TENM2: variants seen among roughly 807,000 people sequenced by gnomAD.
TENM2 encodes the protein teneurin-2.
Under a neutral mutation model 245.2 loss-of-function variants are expected in TENM2, and 52 were observed. That is an observed-to-expected ratio of 0.21 (90% CI 0.17 to 0.27). The LOEUF (loss-of-function observed/expected upper bound fraction) is 0.27, where lower values mean the gene tolerates loss of function less well. Ranked by LOEUF, TENM2 falls within the 10% of genes least tolerant of loss-of-function variation. The pLI is 1.00. For synonymous variants in TENM2, 1,363 were observed against 1,438.9 expected (o/e 0.95, Z 1.19); for missense variants, 3,046 against 3,666.8 (o/e 0.83, Z 4.37).
At chr5:167,935,596 A>G (rs1477791342) in intron 3 of TENM2, among the ~76,000 whole-genome samples, 1 of 152,158 alleles carries the variant, frequency 6.6e-6, no homozygotes, top group Non-Finnish European at 1.5e-5. Flanking sequence ...GGGTGGGAAA[A>G]TAGCATCTGT....
the TENM2 span, among the ~76,000 whole-genome samples, chr5:167,230,005 G>T: frequency 1.3e-5 from 2 of 152,146 alleles, no homozygotes; most frequent in African/African-American, 4.8e-5. Flanking sequence ...ATGTGTAGCA[G>T]CCTCTGTTTG....
intron 2 of TENM2, among the ~76,000 whole-genome samples, chr5:167,705,982 TA>T (rs60382736): frequency 0.015 from 1,469 of 99,522 alleles, 12 homozygotes; most frequent in Non-Finnish European, 0.017. Flanking sequence ...TATATATATA[TA>T]TATATATATT....
At chr5:168,144,501 G>A (rs1293193469) in intron 12 of TENM2, among the ~76,000 whole-genome samples, 1 of 151,890 alleles carries the variant, frequency 6.6e-6, no homozygotes, top group African/African-American at 2.4e-5. Context: ...CCCTACAAAG[G>A]ACATGAACTC....
intron 2 of TENM2, among the ~76,000 whole-genome samples, chr5:167,868,035 A>G (rs1772478076): frequency 6.6e-6 from 1 of 152,222 alleles, no homozygotes; most frequent in African/African-American, 2.4e-5. Flanking sequence ...AAAAAGAGCA[A>G]CTTAAAAATT....
the TENM2 span, among the ~76,000 whole-genome samples, chr5:167,104,852 A>C: frequency 6.6e-6 from 1 of 152,222 alleles, no homozygotes; most frequent in Non-Finnish European, 1.5e-5. Context: ...TGTGGTTTTC[A>C]TCAAAAGCAG....
downstream of TENM2, chr5:168,263,685 T>C (rs1181611518): frequency 6.6e-6 from 1 of 152,628 alleles, no homozygotes; most frequent in Non-Finnish European, 1.5e-5. Flanking sequence ...GAGATTCCAT[T>C]GTGGACAGTA....
intron 1 of TENM2, among the ~76,000 whole-genome samples, chr5:167,331,196 A>C (rs1757436900): frequency 6.9e-6 from 1 of 144,466 alleles, no homozygotes; most frequent in Non-Finnish European, 1.5e-5. Context: ...AGATCATGCT[A>C]CTGCACTCCA....
chr5:167,375,450 A>C (rs573583486), exon 2 of TENM2: 1 of 1,551,740 alleles, frequency 6.4e-7, no homozygotes, highest in South Asian at 1.2e-5. Flanking sequence ...TCTGACAACG[A>C]AAACAAATCA....
chr5:166,996,337 C>T, the TENM2 span, among the ~76,000 whole-genome samples: 19 of 152,050 alleles, frequency 1.2e-4, no homozygotes, highest in African/African-American at 3.4e-4. Flanking sequence ...AGTGAGACTC[C>T]GTCTCAAAAA....
chr5:167,648,062 C>T (rs1780085209), intron 2 of TENM2, among the ~76,000 whole-genome samples: 1 of 152,134 alleles, frequency 6.6e-6, no homozygotes, highest in African/African-American at 2.4e-5. Context: ...TGTTGAAAAA[C>T]ACGGAAGCCA....
At chr5:168,227,248 C>T (rs1296684771) in intron 24 of TENM2, among the ~76,000 whole-genome samples, 1 of 152,202 alleles carries the variant, frequency 6.6e-6, no homozygotes, top group African/African-American at 2.4e-5. Flanking sequence ...GTAGTTTCCA[C>T]TGGGGAAGAT....
At chr5:168,210,154 G>T in intron 19 of TENM2, among the ~76,000 whole-genome samples, 1 of 152,094 alleles carries the variant, frequency 6.6e-6, no homozygotes, top group East Asian at 1.9e-4. Flanking sequence ...TGTTATTCTG[G>T]TTTGTTGCCT....
At chr5:167,096,020 C>G in the TENM2 span, among the ~76,000 whole-genome samples, 5 of 152,154 alleles carry the variant, frequency 3.3e-5, no homozygotes, top group South Asian at 2.1e-4. Context: ...GATCCACCTG[C>G]CTTGGCCTCC....
At chr5:168,228,679 C>CCTTTTAA (rs1161340839) in intron 25 of TENM2, among the ~76,000 whole-genome samples, 97 of 151,956 alleles carry the variant, frequency 6.4e-4, no homozygotes, top group South Asian at 1.2e-3. Flanking sequence ...GAGGTACATG[C>CCTTTTAA]AGGGTCTGAT....
At chr5:167,342,643 T>G (rs890573376) in intron 1 of TENM2, among the ~76,000 whole-genome samples, 1 of 144,434 alleles carries the variant, frequency 6.9e-6, no homozygotes, top group Non-Finnish European at 1.5e-5. Flanking sequence ...TTCTCCTGCC[T>G]CAGCCTCCCC....
intron 1 of TENM2, among the ~76,000 whole-genome samples, chr5:167,332,753 C>T (rs1330534899): frequency 6.6e-6 from 1 of 152,288 alleles, no homozygotes; most frequent in East Asian, 1.9e-4. Context: ...AAAGACTGAA[C>T]ATCTGAGTAC....
At chr5:167,730,030 C>A (rs7701095) in intron 2 of TENM2, among the ~76,000 whole-genome samples, 9,479 of 152,124 alleles carry the variant, frequency 0.062, 714 homozygotes, top group African/African-American at 0.18. Context: ...GAGTATCCTT[C>A]TTATGGGTCT....
At chr5:167,245,570 T>C in the TENM2 span, among the ~76,000 whole-genome samples, 1 of 151,966 alleles carries the variant, frequency 6.6e-6, no homozygotes, top group Admixed American at 6.6e-5. Context: ...CAAAGAATGC[T>C]ATCTGTTTGT....
intron 5 of TENM2, among the ~76,000 whole-genome samples, chr5:168,037,383 G>A (rs1442694498): frequency 6.6e-6 from 1 of 151,940 alleles, no homozygotes; most frequent in East Asian, 1.9e-4. Flanking sequence ...CATGCAGGAG[G>A]GAACATATCT....
Sources: allele counts gnomAD v4.1 joint callset (sites outside exome capture counted in the v4.1 genomes callset), GRCh38; gene constraint gnomAD v4.1.1; transcripts MANE v1.5; gene names NCBI Gene and HGNC (gene_info 2026-07-23, HGNC 2026-07-21).